The following COL26A1 variants were observed in gnomAD, a reference collection of about 807,000 sequenced individuals.
COL26A1 encodes the protein collagen alpha-1(XXVI) chain.
A neutral mutation model predicts 59.3 loss-of-function variants in COL26A1; 41 were observed. That is an observed-to-expected ratio of 0.69 (90% CI 0.54 to 0.90). The LOEUF is 0.90. Ranked by LOEUF, COL26A1 falls within the 40% of genes least tolerant of loss-of-function variation. COL26A1 has a pLI of 0.00. For missense variants in COL26A1, 612 were observed against 602.3 expected (o/e 1.02, Z -0.17); for synonymous variants, 266 against 256.0 (o/e 1.04, Z -0.37).
At chr7:101,445,109 G>A (rs1427382748) in intron 2 of COL26A1, among the ~76,000 whole-genome samples, 1 of 151,880 alleles carries the variant, frequency 6.6e-6, no homozygotes, top group Non-Finnish European at 1.5e-5. Context: ...CCAAAGTGCT[G>A]GGATTACAGG....
chr7:101,429,005 A>G (rs1792713068), intron 2 of COL26A1, among the ~76,000 whole-genome samples: 1 of 150,492 alleles, frequency 6.6e-6, no homozygotes, highest in African/African-American at 2.4e-5. Context: ...GCTCACTGCA[A>G]TCTCTGCCTC....
intron 3 of COL26A1, among the ~76,000 whole-genome samples, chr7:101,490,363 A>C (rs896431742): frequency 6.6e-5 from 10 of 150,536 alleles, no homozygotes; most frequent in African/African-American, 2.4e-4. Context: ...AGGAATGAGC[A>C]TTGTGCCCGG....
chr7:101,396,216 C>T (rs1284473847), intron 1 of COL26A1, among the ~76,000 whole-genome samples: 11 of 152,054 alleles, frequency 7.2e-5, no homozygotes, highest in African/African-American at 1.2e-4. Context: ...TGCAGTGAGC[C>T]GAGATCGCAC....
chr7:101,459,353 C>T (rs541956197), intron 3 of COL26A1, among the ~76,000 whole-genome samples: 12 of 152,244 alleles, frequency 7.9e-5, no homozygotes, highest in Admixed American at 1.3e-4. Context: ...GGCTGGAGTG[C>T]AGTGGCACGA....
chr7:101,443,466 A>G (rs1793109787), intron 2 of COL26A1, among the ~76,000 whole-genome samples: 1 of 152,226 alleles, frequency 6.6e-6, no homozygotes, highest in Admixed American at 6.6e-5. Context: ...TCCTGTCAAC[A>G]GTGCGTCTCC....
Position 101,557,502 on chromosome 7 carries a change from G to T in COL26A1, c.1298G>T (p.Ser433Ile). The part of the protein sequence containing the change: ...ALLGPDPGQK[S>I]VDQASSRK ...CTTGGGCCCGACCCTGGACAGAAGA[G>T]CGTGGACCAGGCCAGCAGCAGGAAG... The change falls in exon 13 of 13, where the codon AGC becomes ATC. Residue 433 changes from serine to isoleucine, a missense_variant. Transcript: ENST00000313669. 6.2e-7 allele frequency: 1 copy of T among 1,612,226 alleles called. No individual in the cohort carries two copies. The highest frequency in any genetic ancestry group is 2.2e-5 in the East Asian group (1 of 44,842).
chr7:101,546,671 T>C (rs1212535854), intron 7 of COL26A1, among the ~76,000 whole-genome samples: 1 of 152,122 alleles, frequency 6.6e-6, no homozygotes, highest in Non-Finnish European at 1.5e-5. Context: ...GGGCTCATCC[T>C]GGAGGGCCAT....
intron 5 of COL26A1, among the ~76,000 whole-genome samples, chr7:101,541,310 C>G (rs1002354036): frequency 2.6e-5 from 4 of 152,098 alleles, no homozygotes; most frequent in African/African-American, 7.2e-5. Flanking sequence ...CATCTGCCCC[C>G]CTGCCTTCCT....
rs918735171 is a variant in COL26A1, at chr7:101,450,568, C to T, written c.385+2781C>T. 2.6e-5 allele frequency among the ~76,000 whole-genome samples: 4 copies of T among 152,068 alleles called. No individual in the cohort carries two copies. The South Asian group carries it at 8.3e-4, about 32-fold the overall frequency. Reference sequence around the variant, plus strand: ...AGGGCTTCCAAATACCTCCCACGAGCCAAGTGCAAAGGCCAGACCTCCTTT... The same window carrying T: ...AGGGCTTCCAAATACCTCCCACGAGTCAAGTGCAAAGGCCAGACCTCCTTT... On this transcript the variant is annotated intron_variant, in intron 3 of 12. Coordinates refer to ENST00000313669, the MANE Select transcript of COL26A1 (RefSeq NM_001278563.3).
intron 2 of COL26A1, among the ~76,000 whole-genome samples, chr7:101,440,327 C>T (rs567819148): frequency 1.1e-4 from 16 of 152,238 alleles, no homozygotes; most frequent in African/African-American, 2.6e-4. Context: ...GATCGCGTCA[C>T]TACACTCCAG....
At chr7:101,499,850 A>C (rs1226588347) in intron 3 of COL26A1, among the ~76,000 whole-genome samples, 2 of 149,676 alleles carry the variant, frequency 1.3e-5, no homozygotes, top group East Asian at 3.9e-4. Context: ...ACTGCACTCC[A>C]ACCTGGGTGA....
At chr7:101,411,566 T>TCCAC (rs1792241805) in intron 1 of COL26A1, among the ~76,000 whole-genome samples, 1 of 151,982 alleles carries the variant, frequency 6.6e-6, no homozygotes, top group South Asian at 2.1e-4. Flanking sequence ...GGTGATTTGC[T>TCCAC]CCTGGTAAGG....
intron 3 of COL26A1, among the ~76,000 whole-genome samples, chr7:101,451,363 A>G (rs919772979): frequency 1.4e-5 from 2 of 146,930 alleles, no homozygotes; most frequent in Non-Finnish European, 1.5e-5. Flanking sequence ...TATGTATTAT[A>G]TAAATTATAT....
At chr7:101,464,415 A>ATTTTG (rs200742284) in intron 3 of COL26A1, among the ~76,000 whole-genome samples, 2 of 113,798 alleles carry the variant, frequency 1.8e-5, no homozygotes, top group African/African-American at 6.4e-5. Context: ...TTCTTATTTT[A>ATTTTG]TTATTATTTT....
chr7:101,435,044 G>C (rs1792882327), intron 2 of COL26A1, among the ~76,000 whole-genome samples: 1 of 152,182 alleles, frequency 6.6e-6, no homozygotes, highest in African/African-American at 2.4e-5. Flanking sequence ...TCTGTTCAGG[G>C]TTGGGCGTGG....
chr7:101,512,694 A>G (rs6954650), intron 3 of COL26A1, among the ~76,000 whole-genome samples: 33,249 of 152,072 alleles, frequency 0.22, 4,272 homozygotes, highest in African/African-American at 0.36. Context: ...CCAAATATTC[A>G]GTTGGAGCTA....
At chr7:101,542,838 C>A (rs1347257659) in intron 5 of COL26A1, among the ~76,000 whole-genome samples, 5 of 152,242 alleles carry the variant, frequency 3.3e-5, no homozygotes, top group South Asian at 4.1e-4. Flanking sequence ...GGTCTCACCC[C>A]CAGAGCGTTA....
intron 2 of COL26A1, among the ~76,000 whole-genome samples, chr7:101,422,034 A>G (rs1792533921): frequency 6.6e-6 from 1 of 151,964 alleles, no homozygotes; most frequent in African/African-American, 2.4e-5. Flanking sequence ...TGCTTTTGCC[A>G]GTTGCGGTGG....
chr7:101,405,965 G>A (rs1792119593), intron 1 of COL26A1, among the ~76,000 whole-genome samples: 1 of 152,140 alleles, frequency 6.6e-6, no homozygotes. Flanking sequence ...TGCAGATAAC[G>A]AGGAGGGAGG....
Sources: allele counts gnomAD v4.1 joint callset (sites outside exome capture counted in the v4.1 genomes callset), GRCh38; gene constraint gnomAD v4.1.1; transcripts MANE v1.5; gene names NCBI Gene and HGNC (gene_info 2026-07-23, HGNC 2026-07-21).